Variants in LGI2 observed in about 807,000 individuals in gnomAD.
The protein encoded by LGI2 is leucine rich repeat LGI family member 2.
Under a neutral mutation model 52.0 loss-of-function variants are expected in LGI2, and 30 were observed. The observed-to-expected ratio is 0.58, with a 90% CI of 0.43 to 0.78. LGI2 has a LOEUF of 0.78. LGI2 is among the 30% of genes least tolerant of loss of function. LGI2 has a pLI of 0.00. For synonymous variants in LGI2, 270 were observed against 271.8 expected (o/e 0.99, Z 0.06); for missense variants, 573 against 692.5 (o/e 0.83, Z 1.94).
intron 4 of LGI2, among the ~76,000 whole-genome samples, chr4:25,020,562 C>T (rs6844475): frequency 0.23 from 34,839 of 152,158 alleles, 6,876 homozygotes; most frequent in African/African-American, 0.53. Context: ...AACACATAAA[C>T]GACTAACATG....
chr4:25,024,837 G>T lies in LGI2; in HGVS notation c.396C>A (p.Leu132=), dbSNP rs1422183165. The stretch of plus-strand genomic sequence containing the variant: ...GGACTTACAGGTGAGTCAGGTCACG[G>T]AGGCCACGAAAGGCATTTCTTGAAA... ...ETISRNAFRG[L]RDLTHLSLAN... The change falls in exon 4 of 8, where the codon CTC becomes CTA. Residue 132 remains leucine, a synonymous_variant. Coordinates refer to ENST00000382114, the MANE Select transcript of LGI2 (RefSeq NM_018176.4). 3 of 1,608,372 alleles carry T rather than the reference G, an allele frequency of 1.9e-6. No individual in the cohort carries two copies. The African/African-American group carries it at 4.0e-5, about 22-fold the overall frequency.
At chr4:25,019,131 A>G (rs1725865409) in intron 5 of LGI2, 36 bp downstream of exon 5, 2 of 1,285,876 alleles carry the variant, frequency 1.6e-6, no homozygotes, top group Non-Finnish European at 1.1e-6. Context: ...CTGGGGCACA[A>G]TGACAAACAC....
chr4:25,008,738 G>A (rs1386471080), intron 7 of LGI2, among the ~76,000 whole-genome samples: 3 of 152,194 alleles, frequency 2.0e-5, no homozygotes, highest in Non-Finnish European at 2.9e-5. Context: ...AAGATCAAAA[G>A]CCAGTCTGAT....
intron 7 of LGI2, among the ~76,000 whole-genome samples, chr4:25,011,225 G>A (rs1725574247): frequency 6.6e-6 from 1 of 152,052 alleles, no homozygotes; most frequent in Non-Finnish European, 1.5e-5. Flanking sequence ...GACAAAGGGG[G>A]AAGCACAAAA....
chr4:25,028,882 T>C (rs1272206513), intron 1 of LGI2, among the ~76,000 whole-genome samples: 2 of 152,132 alleles, frequency 1.3e-5, no homozygotes, highest in Non-Finnish European at 2.9e-5. Flanking sequence ...CTACAGGAGG[T>C]CCTTGCCTGA....
At chr4:24,993,758 T>C in the LGI2 span, among the ~76,000 whole-genome samples, 3 of 152,372 alleles carry the variant, frequency 2.0e-5, no homozygotes, top group South Asian at 6.2e-4. Context: ...TATGATTCCA[T>C]GCTTAGAAAG....
chr4:24,997,423 G>T (rs184165027), downstream of LGI2, among the ~76,000 whole-genome samples: 199 of 152,238 alleles, frequency 1.3e-3, 1 homozygote, highest in South Asian at 6.8e-3. Flanking sequence ...TTGCAGGTTT[G>T]AAAAAATTTA....
chr4:25,008,516 G>A (rs775658512), intron 7 of LGI2, among the ~76,000 whole-genome samples: 3 of 133,972 alleles, frequency 2.2e-5, no homozygotes, highest in Non-Finnish European at 3.0e-5. Context: ...TCACACCACC[G>A]CACTCCAGCC....
intron 6 of LGI2, among the ~76,000 whole-genome samples, chr4:25,015,061 T>C (rs1725717406): frequency 6.6e-6 from 1 of 152,200 alleles, no homozygotes; most frequent in Non-Finnish European, 1.5e-5. Context: ...TTAATGGCAC[T>C]CTGCAAAAAG....
Position 25,030,674 on chromosome 4 carries a change from C to CCGCCTCTCCGCAG in LGI2, c.7_19dup (p.Gly7AlafsTer93). 1 of 1,503,936 alleles carries CCGCCTCTCCGCAG rather than the reference C, an allele frequency of 6.6e-7. No individual in the cohort carries two copies. Among genetic ancestry groups the CCGCCTCTCCGCAG allele is most frequent in the Non-Finnish European group, 8.8e-7 (1 of 1,130,926 alleles). The allele number at this position is 1,503,936 out of a possible 1,614,324, so 93.2% of individuals were successfully genotyped here. On this transcript the variant is annotated frameshift_variant, in exon 1 of 8. Transcript: ENST00000382114. LOFTEE classifies it high-confidence loss of function. ...CAGCAGCAGCCCGAGCGCTCCGCAGCCGCCTCTCCGCAGCGCCATGCCCGG... is the reference window on the plus strand; with the variant it reads ...CAGCAGCAGCCCGAGCGCTCCGCAGCCGCCTCTCCGCAGCGCCTCTCCGCAGCGCCATGCCCGG...
rs1726324646 is a variant in LGI2 at position 25,030,877 on chromosome 4, C to T, written c.-184G>A. On this transcript the variant is annotated 5_prime_UTR_variant, in exon 1 of 8. The change creates a new upstream start codon in the 5' untranslated region. Coordinates refer to ENST00000382114, the MANE Select transcript of LGI2 (RefSeq NM_018176.4). ...AGCAGCATGCTGGCCGCCACCCCCA[C>T]TCGGCGCCCCCCCACCCGAGCCCGG... 1 of 186,056 alleles carries T rather than the reference C, an allele frequency of 5.4e-6. No homozygotes were observed. Among genetic ancestry groups the T allele is most frequent in the South Asian group, 1.8e-4 (1 of 5,478 alleles). 11.5% of individuals were successfully genotyped at this position (186,056 alleles called of 1,614,324 possible).
intron 6 of LGI2, among the ~76,000 whole-genome samples, chr4:25,015,700 TC>T (rs1201532409): frequency 6.6e-6 from 1 of 152,056 alleles, no homozygotes; most frequent in African/African-American, 2.4e-5. Flanking sequence ...CCTCATTTGT[TC>T]CCCCGACCCC....
At chr4:25,011,231 C>G (rs546343367) in intron 7 of LGI2, among the ~76,000 whole-genome samples, 3 of 152,244 alleles carry the variant, frequency 2.0e-5, no homozygotes, top group African/African-American at 4.8e-5. Flanking sequence ...GGGGGAAGCA[C>G]AAAACCACGT....
chr4:25,009,244 A>G (rs746955907), intron 7 of LGI2, among the ~76,000 whole-genome samples: 44 of 152,190 alleles, frequency 2.9e-4, no homozygotes, highest in Non-Finnish European at 5.3e-4. Context: ...CCGCTGGCTC[A>G]TTTGGCTCAT....
chr4:25,008,803 T>G (rs1052021183), intron 7 of LGI2, among the ~76,000 whole-genome samples: 2 of 152,142 alleles, frequency 1.3e-5, no homozygotes, highest in African/African-American at 2.4e-5. Flanking sequence ...GTGGGCTTCA[T>G]GTCATGCCGC....
Position 25,000,417 on chromosome 4 carries a change from C to T in LGI2, c.*3034G>A, listed in dbSNP as rs946894314. ...ACCTGCCCTGCAATAAACTTCAGAG[C>T]TATTTATGAACAAATGAGGTGAGTA... On this transcript the variant is annotated 3_prime_UTR_variant, in exon 8 of 8. Coordinates refer to ENST00000382114, the MANE Select transcript of LGI2 (RefSeq NM_018176.4). 3 of 151,936 alleles carry T rather than the reference C, an allele frequency of 2.0e-5. No homozygotes were observed. Among genetic ancestry groups the T allele is most frequent in the Non-Finnish European group, 4.4e-5 (3 of 68,310 alleles). The allele number at this position is 151,936 out of a possible 1,614,324, so 9.4% of individuals were successfully genotyped here. A position where few individuals can be genotyped will look rare whatever the true frequency, so the allele number is the denominator to read the frequency against.
At position 24,999,122 on chromosome 4, in the gene LGI2, G is replaced by C. The variant is rs934327897; in HGVS notation, c.*4329C>G. ...TACATTCCTGATAATCAAAGGGACT[G>C]ATAGGGAATGCATAGTTTCCTACTA... is the stretch of plus-strand genomic sequence containing the variant. On this transcript the variant is annotated 3_prime_UTR_variant, in exon 8 of 8. Transcript: ENST00000382114. The C allele has an allele frequency of 1.3e-5, 2 of 152,176 alleles. No homozygotes were observed. Among genetic ancestry groups the C allele is most frequent in the Non-Finnish European group, 2.9e-5 (2 of 68,030 alleles). The allele number at this position is 152,176 out of a possible 1,614,324, so 9.4% of individuals were successfully genotyped here.
chr4:24,992,500 GGT>G, the LGI2 span, among the ~76,000 whole-genome samples: 3 of 151,746 alleles, frequency 2.0e-5, no homozygotes, highest in Non-Finnish European at 4.4e-5. Context: ...GATTGCCTGA[GGT>G]CAGGAGTTTG....
In LGI2 at chr4:25,001,704, T is replaced by C. The variant is rs1198307607; in HGVS notation, c.*1747A>G. 3 of 117,236 alleles carry C rather than the reference T, an allele frequency of 2.6e-5. No homozygotes were observed. The highest frequency in any genetic ancestry group is 5.3e-5 in the Non-Finnish European group (3 of 56,452). 7.3% of individuals were successfully genotyped at this position (117,236 alleles called of 1,614,324 possible). Reference sequence around the variant, plus strand: ...TTCGTTCATTAAAATCCGTGGTTTCTGAGGCTAGAAGCCTCAGCCTACAGT... The same window carrying C: ...TTCGTTCATTAAAATCCGTGGTTTCCGAGGCTAGAAGCCTCAGCCTACAGT... On this transcript the variant is annotated 3_prime_UTR_variant, in exon 8 of 8. Transcript: ENST00000382114.
Sources: gnomAD v4.1 joint callset for allele counts (sites outside exome capture counted in the v4.1 genomes callset) on GRCh38, gnomAD v4.1.1 for gene constraint, MANE v1.5 for transcripts, NCBI Gene and HGNC (gene_info 2026-07-23, HGNC 2026-07-21) for gene names.